UBXN7: variants seen among roughly 807,000 people sequenced by gnomAD.
UBXN7 encodes UBX domain protein 7, also known as UBX domain-containing protein 7.
A neutral mutation model predicts 58.0 loss-of-function variants in UBXN7; 9 were observed. That is an observed-to-expected ratio of 0.16 (90% CI 0.09 to 0.27). The LOEUF is 0.27. UBXN7 is among the 10% of genes least tolerant of loss of function. The pLI, the probability that UBXN7 is intolerant of heterozygous loss-of-function variation, is 1.00. For missense variants in UBXN7, 328 were observed against 599.6 expected (o/e 0.55, Z 4.73); for synonymous variants, 208 against 205.0 (o/e 1.01, Z -0.12).
rs142926094 is a variant in UBXN7, at chr3:196,382,932, G to A, written c.468+8881C>T. ...AGATCGAGACCATCCTGGCTAACAC[G>A]GTGAAACCCCGTCTCTACTAAAAAT... On this transcript the variant is annotated intron_variant, in intron 5 of 10. Coordinates refer to ENST00000296328, the MANE Select transcript of UBXN7 (RefSeq NM_015562.2). 4.4e-3 allele frequency among the ~76,000 whole-genome samples: 670 copies of A among 152,160 alleles called. 20 individuals are homozygous for A. In the South Asian group the frequency reaches 0.074, roughly 17 times the overall value.
intron 6 of UBXN7, among the ~76,000 whole-genome samples, chr3:196,371,069 G>T (rs1354591990): frequency 6.6e-6 from 1 of 152,094 alleles, no homozygotes; most frequent in African/African-American, 2.4e-5. Flanking sequence ...TATCTCATTA[G>T]CTGGGAAGAC....
intron 3 of UBXN7, among the ~76,000 whole-genome samples, chr3:196,402,618 T>G (rs1471377634): frequency 6.6e-6 from 1 of 152,160 alleles, no homozygotes; most frequent in African/African-American, 2.4e-5. Flanking sequence ...AGAGAGAAGG[T>G]AAGGCATATC....
At chr3:196,418,248 A>G (rs1730566864) in intron 1 of UBXN7, among the ~76,000 whole-genome samples, 1 of 150,724 alleles carries the variant, frequency 6.6e-6, no homozygotes, top group African/African-American at 2.4e-5. Flanking sequence ...AAAGAAAGGA[A>G]GAAAAGAAGG....
intron 3 of UBXN7, among the ~76,000 whole-genome samples, chr3:196,399,256 T>C (rs1729880520): frequency 6.6e-6 from 1 of 152,212 alleles, no homozygotes; most frequent in Admixed American, 6.5e-5. Context: ...AATTAATCAT[T>C]TTTATTGCTT....
In UBXN7 at chr3:196,366,427, G is replaced by T. The variant is rs1000898805; in HGVS notation, c.834+1601C>A. 4.5e-4 allele frequency among the ~76,000 whole-genome samples: 68 copies of T among 150,230 alleles called. 1 individual carries two copies. The highest frequency in any genetic ancestry group is 4.0e-3 in the Admixed American group (60 of 15,070). Reference sequence around the variant, plus strand: ...GCTACTCAGGAGGCTGAGGCAAGAAGATTGACTGAGCCCAGGAGTTCAAGG... The same window carrying T: ...GCTACTCAGGAGGCTGAGGCAAGAATATTGACTGAGCCCAGGAGTTCAAGG... On this transcript the variant is annotated intron_variant, in intron 8 of 10. Transcript: ENST00000296328.
At chr3:196,401,302 C>T (rs74574821) in intron 3 of UBXN7, among the ~76,000 whole-genome samples, 1,405 of 64,206 alleles carry the variant, frequency 0.022, 33 homozygotes, top group East Asian at 0.064. Flanking sequence ...TATATATACA[C>T]ACACACACAC....
At chr3:196,392,532 G>A (rs1293496040) in intron 4 of UBXN7, among the ~76,000 whole-genome samples, 1 of 151,138 alleles carries the variant, frequency 6.6e-6, no homozygotes, top group Non-Finnish European at 1.5e-5. Flanking sequence ...GCCAGGTGTA[G>A]TGGCGCATGC....
Position 196,424,511 on chromosome 3 carries a change from C to T in UBXN7, c.73+7816G>A, listed in dbSNP as rs537617882. 5.4e-5 allele frequency among the ~76,000 whole-genome samples: 8 copies of T among 148,056 alleles called. No homozygotes were observed. The East Asian group carries it at 1.7e-3, about 31-fold the overall frequency. On this transcript the variant is annotated intron_variant, in intron 1 of 10. Transcript: ENST00000296328. ...CTGGGTTCAAGCAATCTTCCCAAGT[C>T]AACCAGGATTACAGGTGCACACCAC...
chr3:196,421,572 C>A (rs1431309874), intron 1 of UBXN7, among the ~76,000 whole-genome samples: 3 of 151,144 alleles, frequency 2.0e-5, no homozygotes, highest in South Asian at 2.1e-4. Flanking sequence ...GAGATTGAGA[C>A]CATCCTGGCC....
At chr3:196,409,410 G>A (rs1730256270) in intron 1 of UBXN7, among the ~76,000 whole-genome samples, 1 of 152,014 alleles carries the variant, frequency 6.6e-6, no homozygotes, top group Non-Finnish European at 1.5e-5. Context: ...TGTTTCTGCT[G>A]GATCTTGCTC....
rs144554266 is a variant in UBXN7 at position 196,353,676 on chromosome 3, G to A, written c.*3009C>T. ...TAATTTTTGTATTTTTAGTAGAGAC[G>A]GGGTTTCACCATGTTGCTCAGGCTG... On this transcript the variant is annotated 3_prime_UTR_variant, in exon 11 of 11. Transcript: ENST00000296328. 2.9e-3 allele frequency: 433 copies of A among 151,812 alleles called. 18 individuals carry two copies. In the East Asian group the frequency reaches 0.055, roughly 19 times the overall value. The allele number at this position is 151,812 out of a possible 1,614,324, so 9.4% of individuals were successfully genotyped here. A position where few individuals can be genotyped will look rare whatever the true frequency, so the allele number is the denominator to read the frequency against.
At position 196,432,411 on chromosome 3, in the gene UBXN7, C is replaced by A. The variant is rs1170376054; in HGVS notation, c.-12G>T. On this transcript the variant is annotated 5_prime_UTR_variant, in exon 1 of 11. Transcript: ENST00000296328. ...CCGTGGGCAGCCATCTTACCGCCGC[C>A]GCCGCCGCCGAACAACAACACAGAC... 3.2e-6 allele frequency: 5 copies of A among 1,583,110 alleles called. No individual in the cohort carries two copies. The highest frequency in any genetic ancestry group is 4.3e-6 in the Non-Finnish European group (5 of 1,161,020).
intron 3 of UBXN7, chr3:196,400,450 T>TA (rs139175442): frequency 0.014 from 2,191 of 153,802 alleles, 51 homozygotes; most frequent in African/African-American, 0.049. Context: ...AATTCAGAGA[T>TA]AAAAAAAGGA....
chr3:196,388,616 G>A (rs1729486697), intron 5 of UBXN7, among the ~76,000 whole-genome samples: 1 of 152,054 alleles, frequency 6.6e-6, no homozygotes, highest in Non-Finnish European at 1.5e-5. Context: ...TGGTTAGCAT[G>A]AGCCAGAAAG....
At chr3:196,417,880 C>G (rs1158594895) in intron 1 of UBXN7, among the ~76,000 whole-genome samples, 6 of 149,998 alleles carry the variant, frequency 4.0e-5, no homozygotes, top group African/African-American at 1.5e-4. Context: ...GAGCTATGAT[C>G]ATACCACTCC....
At chr3:196,380,388 C>T (rs896645647) in intron 5 of UBXN7, among the ~76,000 whole-genome samples, 3 of 152,156 alleles carry the variant, frequency 2.0e-5, no homozygotes, top group Non-Finnish European at 4.4e-5. Flanking sequence ...CAAGCAAGAC[C>T]TAGGGGATGG....
chr3:196,401,245 C>A, intron 3 of UBXN7, among the ~76,000 whole-genome samples: 2 of 3,108 alleles, frequency 6.4e-4, no homozygotes, highest in South Asian at 0.011. Flanking sequence ...AACCCCGTCT[C>A]TCCAAAAAAA....
chr3:196,363,251 A>ATAC lies in UBXN7; in HGVS notation c.835-565_835-564insGTA, dbSNP rs1560218784. ...ACATACATACATACATACATACATA[A>ATAC]ATATATATATACACATATTTTTTTT... On this transcript the variant is annotated intron_variant, in intron 8 of 10. Coordinates refer to ENST00000296328, the MANE Select transcript of UBXN7 (RefSeq NM_015562.2). Among the ~76,000 whole-genome samples the ATAC allele has an allele frequency of 2.6e-3, 103 of 40,270 alleles. 1 individual carries two copies. The East Asian group carries it at 0.033, about 13-fold the overall frequency. 26.4% of individuals were successfully genotyped at this position (40,270 alleles called of 152,430 possible). A position where few individuals can be genotyped will look rare whatever the true frequency, so the allele number is the denominator to read the frequency against.
chr3:196,375,042 G>GGAAGGGAAA (rs1438902713), intron 5 of UBXN7, among the ~76,000 whole-genome samples: 1 of 143,972 alleles, frequency 6.9e-6, no homozygotes, highest in Non-Finnish European at 1.5e-5. Flanking sequence ...AAGGAAGGAA[G>GGAAGGGAAA]GGAAAGGAAA....
Sources: gnomAD v4.1 joint callset for allele counts (sites outside exome capture counted in the v4.1 genomes callset) on GRCh38, gnomAD v4.1.1 for gene constraint, MANE v1.5 for transcripts, NCBI Gene and HGNC (gene_info 2026-07-23, HGNC 2026-07-21) for gene names.